The following EML4 variants were observed in gnomAD, a reference collection of about 807,000 sequenced individuals.
EML4 encodes echinoderm microtubule-associated protein-like 4.
A neutral mutation model predicts 129.0 loss-of-function variants in EML4; 72 were observed. That is an observed-to-expected ratio of 0.56 (90% CI 0.46 to 0.68). The LOEUF (loss-of-function observed/expected upper bound fraction) is 0.68, where lower values mean the gene tolerates loss of function less well. EML4 is among the 30% of genes least tolerant of loss of function. EML4 has a pLI of 0.00. For synonymous variants in EML4, 532 were observed against 405.0 expected, an observed-to-expected ratio of 1.31 and a Z score of -3.77; for missense variants, 1,363 against 1,190.6, an observed-to-expected ratio of 1.14 and a Z score of -2.13.
chr2:42,244,084 T>A, intron 1 of EML4, among the ~76,000 whole-genome samples: 1 of 64,888 alleles, frequency 1.5e-5, no homozygotes, highest in Non-Finnish European at 4.1e-5. Context: ...GTTTTTTGTT[T>A]TTTGTTTTTG....
At position 42,213,709 on chromosome 2, in the gene EML4, T is replaced by C. The variant is rs558139418; in HGVS notation, c.26-31796T>C. On this transcript the variant is annotated intron_variant, in intron 1 of 22. Transcript: ENST00000318522. ...CTAGAAAACAAGAATAATTTTCTAA[T>C]GGTTTTAAAAGCATGGAAAAAATAA... 2.6e-5 allele frequency among the ~76,000 whole-genome samples: 4 copies of C among 152,340 alleles called. No individual in the cohort carries two copies. In the East Asian group the frequency reaches 7.7e-4, roughly 29 times the overall value.
chr2:42,192,704 A>G (rs565621972), intron 1 of EML4, among the ~76,000 whole-genome samples: 1 of 152,316 alleles, frequency 6.6e-6, no homozygotes, highest in South Asian at 2.1e-4. Context: ...ACATTAAAGC[A>G]TGAAGGATTT....
At chr2:42,290,871 G>A (rs1041557119) in intron 11 of EML4, among the ~76,000 whole-genome samples, 41 of 152,294 alleles carry the variant, frequency 2.7e-4, no homozygotes, top group African/African-American at 9.6e-4. Context: ...TGCATATTGA[G>A]CTATATATAC....
chr2:42,208,650 G>A (rs1420476915), intron 1 of EML4, among the ~76,000 whole-genome samples: 2 of 151,828 alleles, frequency 1.3e-5, no homozygotes. Context: ...GGCCAGGCTG[G>A]TCTTGAACTC....
chr2:42,325,511 C>G lies in EML4; in HGVS notation c.2199C>G (p.Asn733Lys), dbSNP rs1423638361. 1 of 1,577,774 alleles carries G rather than the reference C, an allele frequency of 6.3e-7. No individual in the cohort carries two copies. The highest frequency in any genetic ancestry group is 1.4e-5 in the African/African-American group (1 of 73,836). Residue 733 changes from asparagine to lysine, a missense_variant, in exon 20 of 23, where the codon AAC becomes AAG. Coordinates refer to ENST00000318522, the MANE Select transcript of EML4 (RefSeq NM_019063.5). ...CACACCTTGACTGGTCCCCAGACAA[C>G]AAGTATATAATGTCTAACTCGGGAG... is the stretch of plus-strand genomic sequence containing the variant. ...YITHLDWSPD[N>K]KYIMSNSGDY...
At chr2:42,317,058 C>CCCAAGAGCA (rs1669282763) in intron 18 of EML4, among the ~76,000 whole-genome samples, 1 of 152,124 alleles carries the variant, frequency 6.6e-6, no homozygotes, top group Non-Finnish European at 1.5e-5. Flanking sequence ...ATGGTGTCTT[C>CCCAAGAGCA]CCAAGAGCAC....
chr2:42,317,116 T>C (rs1028687626), intron 18 of EML4, among the ~76,000 whole-genome samples: 68 of 152,286 alleles, frequency 4.5e-4, no homozygotes, highest in African/African-American at 1.6e-3. Flanking sequence ...ACTAAGCCCC[T>C]GTCCACTCAG....
In EML4 at chr2:42,331,650, C is replaced by A; in HGVS notation, c.*1443C>A. On this transcript the variant is annotated 3_prime_UTR_variant, in exon 23 of 23. Transcript: ENST00000318522. ...CAGGCGTTTACGTGATTGTGCCATT[C>A]CAAAGTGCATCAGAACTGTCATTCC... 1 of 222,774 alleles carries A rather than the reference C, an allele frequency of 4.5e-6. No homozygotes were observed. Among genetic ancestry groups the A allele is most frequent in the Non-Finnish European group, 9.0e-6 (1 of 111,260 alleles). The allele number at this position is 222,774 out of a possible 1,614,324, so 13.8% of individuals were successfully genotyped here.
At chr2:42,226,213 G>A (rs1313891037) in intron 1 of EML4, among the ~76,000 whole-genome samples, 5 of 152,046 alleles carry the variant, frequency 3.3e-5, no homozygotes, top group Non-Finnish European at 7.4e-5. Context: ...TAAATTCTGA[G>A]ATAAAAATAT....
At position 42,280,325 on chromosome 2, in the gene EML4, G is replaced by A. The variant is rs184238773; in HGVS notation, c.668-525G>A. ...TTCTCAGTTAAGGAAATGGCCATTG[G>A]TTTATTTTTCCCTACAATGTTTTAG... On this transcript the variant is annotated intron_variant, in intron 6 of 22. Coordinates refer to ENST00000318522, the MANE Select transcript of EML4 (RefSeq NM_019063.5). Among the ~76,000 whole-genome samples the A allele has an allele frequency of 2.6e-3, 395 of 152,218 alleles. 5 individuals carry two copies. The highest frequency in any genetic ancestry group is 6.8e-3 in the Middle Eastern group (2 of 294).
chr2:42,295,605 G>A (rs1019988057), intron 13 of EML4, 89 bp downstream of exon 13: 2 of 1,165,906 alleles, frequency 1.7e-6, no homozygotes, highest in Non-Finnish European at 2.4e-6. Flanking sequence ...AGAAAGAGCT[G>A]CAGTGTAACA....
chr2:42,266,156 A>G (rs1017968865), intron 6 of EML4, among the ~76,000 whole-genome samples: 1 of 152,240 alleles, frequency 6.6e-6, no homozygotes, highest in Non-Finnish European at 1.5e-5. Context: ...AAAAGAAAGA[A>G]ATATTTGTAA....
chr2:42,289,095 T>G (rs1572696631), intron 11 of EML4: 1 of 152,206 alleles, frequency 6.6e-6, no homozygotes. Flanking sequence ...GATGTTTAAC[T>G]TAACATTTTG....
intron 19 of EML4, among the ~76,000 whole-genome samples, chr2:42,324,985 C>A (rs971530219): frequency 6.6e-6 from 1 of 152,158 alleles, no homozygotes; most frequent in African/African-American, 2.4e-5. Context: ...TTCTAGGATA[C>A]CTCCATAGAC....
chr2:42,253,337 G>T (rs891564202), intron 2 of EML4, among the ~76,000 whole-genome samples: 1 of 152,080 alleles, frequency 6.6e-6, no homozygotes, highest in Non-Finnish European at 1.5e-5. Flanking sequence ...ATAGTAATTC[G>T]TCCAAGATGC....
rs1054262572 is a variant in EML4, at chr2:42,228,091, C to T, written c.26-17414C>T. The stretch of plus-strand genomic sequence containing the variant: ...AAAAAATTAGCTGGACATGGTGTCA[C>T]GCACCTATAATCCCAGCTACTCAGG... On this transcript the variant is annotated intron_variant, in intron 1 of 22. Transcript: ENST00000318522. Among the ~76,000 whole-genome samples, 4 of 152,020 alleles carry T rather than the reference C, an allele frequency of 2.6e-5. No individual in the cohort carries two copies. In the South Asian group the frequency reaches 6.2e-4, roughly 24 times the overall value.
Position 42,203,569 on chromosome 2 carries a change from G to T in EML4, c.25+33933G>T, listed in dbSNP as rs193290445. Among the ~76,000 whole-genome samples the T allele has an allele frequency of 1.9e-3, 284 of 151,742 alleles. 1 individual carries two copies. Among genetic ancestry groups the T allele is most frequent in the Non-Finnish European group, 3.7e-3 (250 of 67,942 alleles). ...CCTATGGAAGCAGTTATACAAGATG[G>T]CTAGTCTGGAATCACAGATTAATAC... On this transcript the variant is annotated intron_variant, in intron 1 of 22. Transcript: ENST00000318522.
chr2:42,332,340 A>G lies in EML4; in HGVS notation c.*2133A>G, dbSNP rs903167367. ...TTCCAGCTATTTAATGCTGGCAACTACTGTTTAATGGTCAGTTAAATCTGT... is the reference window on the plus strand; with the variant it reads ...TTCCAGCTATTTAATGCTGGCAACTGCTGTTTAATGGTCAGTTAAATCTGT... On this transcript the variant is annotated 3_prime_UTR_variant, in exon 23 of 23. Coordinates refer to ENST00000318522, the MANE Select transcript of EML4 (RefSeq NM_019063.5). The G allele has an allele frequency of 1.6e-4, 33 of 210,060 alleles. No individual in the cohort carries two copies. Among genetic ancestry groups the G allele is most frequent in the African/African-American group, 7.3e-4 (32 of 44,056 alleles). 13.0% of individuals were successfully genotyped at this position (210,060 alleles called of 1,614,324 possible).
intron 13 of EML4, among the ~76,000 whole-genome samples, chr2:42,297,227 C>G (rs1177256205): frequency 1.3e-5 from 2 of 151,898 alleles, no homozygotes; most frequent in African/African-American, 4.8e-5. Flanking sequence ...TTCTTTTTTT[C>G]TTATTTTTCT....
Sources: gnomAD v4.1 joint callset for allele counts (sites outside exome capture counted in the v4.1 genomes callset) on GRCh38, gnomAD v4.1.1 for gene constraint, MANE v1.5 for transcripts, NCBI Gene and HGNC (gene_info 2026-07-23, HGNC 2026-07-21) for gene names.